The following LMLN variants were observed in gnomAD, a reference collection of about 807,000 sequenced individuals.
LMLN encodes leishmanolysin like peptidase.
In LMLN, 70 loss-of-function variants were observed where a neutral mutation model predicts 92.3. That is an observed-to-expected ratio of 0.76 (90% CI 0.63 to 0.92). LMLN has a LOEUF of 0.92. LMLN is among the 40% of genes least tolerant of loss of function. The pLI is 0.00. For synonymous variants in LMLN, 308 were observed against 296.2 expected, an observed-to-expected ratio of 1.04 and a Z score of -0.41; for missense variants, 691 against 814.6, an observed-to-expected ratio of 0.85 and a Z score of 1.85.
Position 198,036,133 on chromosome 3 carries a change from T to A in LMLN, c.1867+90T>A. 4.2e-6 allele frequency: 5 copies of A among 1,177,414 alleles called. No individual in the cohort carries two copies. In the Admixed American group the frequency reaches 7.8e-5, roughly 18 times the overall value. 72.9% of individuals were successfully genotyped at this position (1,177,414 alleles called of 1,614,324 possible). A position where few individuals can be genotyped will look rare whatever the true frequency, so the allele number is the denominator to read the frequency against. ...TGTTGGCATTTCCCTTCAAGGAAGC[T>A]CTAAAACAAGTTGAGTTTCTTCTCT... On this transcript the variant is annotated intron_variant, in intron 15 of 15. Transcript: ENST00000330198.
chr3:198,014,643 C>T (rs1159982070), intron 11 of LMLN, among the ~76,000 whole-genome samples: 1 of 131,970 alleles, frequency 7.6e-6, no homozygotes, highest in Non-Finnish European at 1.6e-5. Context: ...TCTGACTTCT[C>T]TCCACCCTTC....
At chr3:198,003,313 A>G (rs553366298) in intron 11 of LMLN, among the ~76,000 whole-genome samples, 188 bp downstream of exon 12, 1 of 152,316 alleles carries the variant, frequency 6.6e-6, no homozygotes, top group South Asian at 2.1e-4. Context: ...GTTTTTAATC[A>G]TATACTAAAG....
exon 16 of LMLN, chr3:198,039,676 A>G (rs1048716261): frequency 9.2e-5 from 14 of 151,774 alleles, no homozygotes; most frequent in African/African-American, 3.4e-4. Flanking sequence ...ATTTTTTTAA[A>G]TAATGTTTCA....
chr3:197,995,278 G>A (rs1473397189), intron 9 of LMLN, among the ~76,000 whole-genome samples: 1 of 152,124 alleles, frequency 6.6e-6, no homozygotes, highest in African/African-American at 2.4e-5. Context: ...AGAATTGACT[G>A]TGCAGTTACT....
intron 15 of LMLN, among the ~76,000 whole-genome samples, chr3:198,037,963 T>C (rs536166911): frequency 2.9e-4 from 44 of 152,274 alleles, no homozygotes; most frequent in African/African-American, 1.1e-3. Context: ...AATAGTCCTC[T>C]CGCTTGCATC....
intron 1 of LMLN, among the ~76,000 whole-genome samples, chr3:197,966,231 C>T (rs1413612888): frequency 6.6e-6 from 1 of 152,058 alleles, no homozygotes; most frequent in Non-Finnish European, 1.5e-5. Context: ...TTAGTAGAGA[C>T]AAGTTTCGCC....
At chr3:197,980,645 T>C in intron 6 of LMLN, 141 bp downstream of exon 6, 2 of 770,028 alleles carry the variant, frequency 2.6e-6, no homozygotes, top group Non-Finnish European at 2.1e-6. Context: ...CTGCCTGGGT[T>C]TGGAGTGGGG....
intron 4 of LMLN, 166 bp from the exon 5 acceptor site, chr3:197,976,432 G>C: frequency 1.9e-6 from 1 of 534,444 alleles, no homozygotes; most frequent in Non-Finnish European, 3.4e-6. Flanking sequence ...CCCAAATCAA[G>C]AGGATTTCCT....
intron 1 of LMLN, among the ~76,000 whole-genome samples, chr3:197,961,859 G>T (rs1322874561): frequency 6.6e-6 from 1 of 151,920 alleles, no homozygotes; most frequent in East Asian, 1.9e-4. Context: ...CTTTTATTAC[G>T]CCGGTACAAA....
intron 1 of LMLN, among the ~76,000 whole-genome samples, chr3:197,965,338 T>A (rs80151985): frequency 2.8e-4 from 43 of 152,100 alleles, no homozygotes; most frequent in African/African-American, 1.0e-3. Context: ...TTATTTATGG[T>A]TTAGAATATG....
At chr3:197,990,195 T>C (rs1241121513) in intron 8 of LMLN, among the ~76,000 whole-genome samples, 2 of 152,110 alleles carry the variant, frequency 1.3e-5, no homozygotes, top group African/African-American at 4.8e-5. Context: ...CCTGTGTAGC[T>C]GGGACCACAG....
chr3:197,992,866 T>C (rs1339336071), intron 9 of LMLN, among the ~76,000 whole-genome samples: 1 of 152,040 alleles, frequency 6.6e-6, no homozygotes, highest in Admixed American at 6.6e-5. Context: ...TTGGTGAGCA[T>C]AAGTACAAAA....
chr3:197,983,159 TTAAA>T (rs1475066804), intron 6 of LMLN, among the ~76,000 whole-genome samples: 5 of 152,234 alleles, frequency 3.3e-5, no homozygotes, highest in Admixed American at 2.6e-4. Flanking sequence ...ATTTAACAAT[TTAAA>T]TAAGATAAAT....
At chr3:198,038,085 C>T (rs187857014) in intron 15 of LMLN, among the ~76,000 whole-genome samples, 153 of 151,918 alleles carry the variant, frequency 1.0e-3, no homozygotes, top group Non-Finnish European at 2.0e-3. Context: ...CCTCACAGTC[C>T]GTCTGCCTGT....
At chr3:198,035,403 GGCAGGCTGGA>G (rs919236813) in intron 14 of LMLN, among the ~76,000 whole-genome samples, 2 of 121,922 alleles carry the variant, frequency 1.6e-5, no homozygotes, top group African/African-American at 6.6e-5. Context: ...TCGCTCTGTT[GGCAGGCTGGA>G]GCGCAGTGGC....
Position 197,985,390 on chromosome 3 carries a change from T to TACACACAC in LMLN, c.835-376_835-369dup, listed in dbSNP as rs142039210. ...AGACTTTCAAAACCATTTCATAATGTACACACACACACACACACACACACA... is the reference window on the plus strand; with the variant it reads ...AGACTTTCAAAACCATTTCATAATGTACACACACACACACACACACACACACACACACA... On this transcript the variant is annotated intron_variant, in intron 7 of 15. Transcript: ENST00000330198. 3.9e-3 allele frequency among the ~76,000 whole-genome samples: 554 copies of TACACACAC among 142,454 alleles called. 2 individuals carry two copies. The highest frequency in any genetic ancestry group is 0.012 in the African/African-American group (477 of 38,474). The allele number at this position is 142,454 out of a possible 152,430, so 93.5% of individuals were successfully genotyped here.
At chr3:198,009,908 C>G (rs1722388165) in intron 11 of LMLN, among the ~76,000 whole-genome samples, 1 of 152,098 alleles carries the variant, frequency 6.6e-6, no homozygotes, top group Non-Finnish European at 1.5e-5. Context: ...GAAATAATCT[C>G]ATCATGGAGG....
rs1722778145 is a variant in LMLN at position 198,021,383 on chromosome 3, C to T, written c.1366-63C>T. On this transcript the variant is annotated intron_variant, in intron 12 of 15. Transcript: ENST00000330198. ...AAAGGGTTGCGAGAAATTGCCTGTG[C>T]ACTTCCTCAATTTTATACAGAATGT... 2.7e-6 allele frequency: 4 copies of T among 1,483,360 alleles called. No homozygotes were observed. The African/African-American group carries it at 4.2e-5, about 15-fold the overall frequency. 91.9% of individuals were successfully genotyped at this position (1,483,360 alleles called of 1,614,324 possible).
intron 5 of LMLN, among the ~76,000 whole-genome samples, chr3:197,978,109 G>A (rs1394648974): frequency 6.6e-6 from 1 of 150,824 alleles, no homozygotes; most frequent in Non-Finnish European, 1.5e-5. Context: ...CGTTAAATAT[G>A]GATACATATA....
Sources: allele counts gnomAD v4.1 joint callset (sites outside exome capture counted in the v4.1 genomes callset), GRCh38; gene constraint gnomAD v4.1.1; transcripts MANE v1.5; gene names NCBI Gene and HGNC (gene_info 2026-07-23, HGNC 2026-07-21).